Variants in HMGN5 observed in about 807,000 individuals in gnomAD.
HMGN5 encodes the protein high mobility group nucleosome binding domain 5.
HMGN5 carries 4 observed loss-of-function variants against 9.5 expected under a neutral mutation model. The observed-to-expected ratio is 0.42, with a 90% CI of 0.21 to 0.96. The LOEUF is 0.96. HMGN5 is among the 40% of genes least tolerant of loss of function. HMGN5 has a pLI of 0.30. For missense variants in HMGN5, 192 were observed against 187.5 expected (o/e 1.02, Z -0.14); for synonymous variants, 55 against 57.1 (o/e 0.96, Z 0.16).
At chrX:81,199,858 A>T (rs2075520223) in intron 1 of HMGN5, among the ~76,000 whole-genome samples, 1 of 112,426 alleles carries the variant, frequency 8.9e-6, no homozygotes, top group Non-Finnish European at 1.9e-5. Flanking sequence ...AATGGCAACA[A>T]AAGCCAAAAT....
chrX:81,171,783 C>T (rs2075426452), intron 1 of HMGN5, among the ~76,000 whole-genome samples: 1 of 111,194 alleles, frequency 9.0e-6, no homozygotes, highest in Non-Finnish European at 1.9e-5. Context: ...TCACTCCAAC[C>T]CTTGATCACT....
intron 1 of HMGN5, chrX:81,195,216 T>C (rs2075504622): frequency 8.9e-6 from 1 of 112,097 alleles, no homozygotes; most frequent in East Asian, 2.8e-4. Context: ...AAGCCGACAG[T>C]GCAGCCTTCA....
rs747664599 is a variant in HMGN5, at chrX:81,113,967, TTA to T, written c.*680_*681del. Reference sequence around the variant, plus strand: ...TGGTGAATTTTACTTTATATTAATTTTATGTCAGTGAATATTAAATATTTTCA... The same window carrying T: ...TGGTGAATTTTACTTTATATTAATTTTGTCAGTGAATATTAAATATTTTCA... On this transcript the variant is annotated 3_prime_UTR_variant, in exon 7 of 7. Coordinates refer to ENST00000358130, the MANE Select transcript of HMGN5 (RefSeq NM_030763.3). The T allele has an allele frequency of 8.9e-6, 1 of 112,003 alleles. No individual in the cohort carries two copies. Among genetic ancestry groups the T allele is most frequent in the African/African-American group, 3.2e-5 (1 of 30,876 alleles). 9.2% of individuals were successfully genotyped at this position (112,003 alleles called of 1,213,427 possible). A position where few individuals can be genotyped will look rare whatever the true frequency, so the allele number is the denominator to read the frequency against.
At position 81,114,073 on chromosome X, in the gene HMGN5, G is replaced by A. The variant is rs962703472; in HGVS notation, c.*576C>T. 3.6e-5 allele frequency: 4 copies of A among 111,660 alleles called. No individual in the cohort carries two copies. Among genetic ancestry groups the A allele is most frequent in the African/African-American group, 1.3e-4 (4 of 30,832 alleles). The allele number at this position is 111,660 out of a possible 1,213,427, so 9.2% of individuals were successfully genotyped here. On this transcript the variant is annotated 3_prime_UTR_variant, in exon 7 of 7. Transcript: ENST00000358130. ...GAAGATATAACAAAACACAATCATC[G>A]TCAGAGTCTTTTTATTAAGATAAAT...
chrX:81,192,378 A>C (rs1457812424), intron 1 of HMGN5, among the ~76,000 whole-genome samples: 1 of 111,630 alleles, frequency 9.0e-6, no homozygotes, highest in African/African-American at 3.3e-5. Flanking sequence ...TATTCTTTAA[A>C]TGTTTGGTAA....
chrX:81,158,500 C>T (rs1304764283), intron 1 of HMGN5, among the ~76,000 whole-genome samples: 2 of 111,846 alleles, frequency 1.8e-5, no homozygotes, highest in Non-Finnish European at 3.8e-5. Context: ...TGTCCTTTGC[C>T]CACTTTTTAA....
At chrX:81,155,426 G>A (rs1289215489) in intron 1 of HMGN5, among the ~76,000 whole-genome samples, 2 of 109,262 alleles carry the variant, frequency 1.8e-5, no homozygotes, top group African/African-American at 6.7e-5. Flanking sequence ...TCCCTGGAGA[G>A]TTAAAACTTA....
intron 1 of HMGN5, among the ~76,000 whole-genome samples, chrX:81,152,191 A>G (rs1426473273): frequency 8.9e-6 from 1 of 111,910 alleles, no homozygotes; most frequent in Non-Finnish European, 1.9e-5. Flanking sequence ...AGAAACTACC[A>G]TCAGAGTGGA....
intron 1 of HMGN5, among the ~76,000 whole-genome samples, chrX:81,178,022 C>A (rs758927049): frequency 2.1e-4 from 24 of 111,796 alleles, no homozygotes; most frequent in Non-Finnish European, 3.0e-4. Flanking sequence ...CCAATGAGAA[C>A]AAACACACAA....
Position 81,118,577 on chromosome X carries a change from T to C in HMGN5, c.76-92A>G, listed in dbSNP as rs970595385. ...ATGAAATCCAACCTCTGAATTAAAA[T>C]AAATGAGTATTAGGAAAAAAAATAC... is the stretch of plus-strand genomic sequence containing the variant. On this transcript the variant is annotated intron_variant, in intron 4 of 6. Transcript: ENST00000358130. The C allele has an allele frequency of 4.8e-5, 40 of 826,249 alleles. No homozygotes were observed. In the East Asian group the frequency reaches 6.5e-4, roughly 13 times the overall value. 68.1% of individuals were successfully genotyped at this position (826,249 alleles called of 1,213,427 possible). A position where few individuals can be genotyped will look rare whatever the true frequency, so the allele number is the denominator to read the frequency against.
intron 1 of HMGN5, among the ~76,000 whole-genome samples, chrX:81,163,643 G>A (rs143249425): frequency 1.5e-3 from 173 of 111,907 alleles, no homozygotes; most frequent in African/African-American, 5.1e-3. Flanking sequence ...TGTCAAACAC[G>A]TCAGTATTCT....
At chrX:81,133,490 A>T (rs1211982404) in intron 1 of HMGN5, among the ~76,000 whole-genome samples, 1 of 111,991 alleles carries the variant, frequency 8.9e-6, no homozygotes, top group African/African-American at 3.2e-5. Context: ...GGATAAAGAA[A>T]ATGTGGCACA....
chrX:81,117,168 CAT>C (rs772345527), intron 5 of HMGN5, among the ~76,000 whole-genome samples: 31 of 110,691 alleles, frequency 2.8e-4, no homozygotes, highest in Non-Finnish European at 5.9e-4. Context: ...TCTTTTAACA[CAT>C]GAGAAACAGA....
At chrX:81,145,149 C>A (rs914196081) in intron 1 of HMGN5, among the ~76,000 whole-genome samples, 1 of 111,608 alleles carries the variant, frequency 9.0e-6, no homozygotes, top group Non-Finnish European at 1.9e-5. Flanking sequence ...ATACAGCGAA[C>A]AACACAAACA....
chrX:81,167,125 G>A (rs2075413283), intron 1 of HMGN5, among the ~76,000 whole-genome samples: 1 of 111,262 alleles, frequency 9.0e-6, no homozygotes, highest in East Asian at 2.8e-4. Context: ...TTCCACTTAC[G>A]GGAAATAGAA....
At chrX:81,181,206 T>C (rs1398057642) in intron 1 of HMGN5, among the ~76,000 whole-genome samples, 1 of 111,683 alleles carries the variant, frequency 9.0e-6, no homozygotes, top group African/African-American at 3.3e-5. Context: ...TAAAAAAACA[T>C]TAAAAAGAGA....
In HMGN5 at chrX:81,180,569, T is replaced by C. The variant is rs767663613; in HGVS notation, c.-124+21168A>G. Among the ~76,000 whole-genome samples the C allele has an allele frequency of 9.0e-5, 10 of 111,659 alleles. No homozygotes were observed. The South Asian group carries it at 2.7e-3, about 30-fold the overall frequency. On this transcript the variant is annotated intron_variant, in intron 1 of 6. Transcript: ENST00000358130. ...GAAACAACGGATGCTGGAGAGGATA[T>C]GGAGAAATAGGAACACTTTTACACT...
chrX:81,123,623 T>G (rs746265959), intron 1 of HMGN5, among the ~76,000 whole-genome samples: 1 of 112,472 alleles, frequency 8.9e-6, no homozygotes, highest in South Asian at 3.7e-4. Context: ...AAATTCTTAT[T>G]TAGCATTATT....
At chrX:81,128,578 T>C (rs1450699095) in intron 1 of HMGN5, among the ~76,000 whole-genome samples, 1 of 111,604 alleles carries the variant, frequency 9.0e-6, no homozygotes, top group African/African-American at 3.3e-5. Context: ...TATGTTCTAG[T>C]TTACTTCTAA....
Sources: gnomAD v4.1 joint callset for allele counts (sites outside exome capture counted in the v4.1 genomes callset) on GRCh38, gnomAD v4.1.1 for gene constraint, MANE v1.5 for transcripts, NCBI Gene and HGNC (gene_info 2026-07-23, HGNC 2026-07-21) for gene names.